The following PTPRN2 variants were observed in gnomAD, a reference collection of about 807,000 sequenced individuals.
The protein encoded by PTPRN2 is protein tyrosine phosphatase receptor type N2, also known as receptor-type tyrosine-protein phosphatase N2.
A neutral mutation model predicts 118.8 loss-of-function variants in PTPRN2; 74 were observed. The ratio of observed to expected loss-of-function variants is 0.62; its 90% CI spans 0.52 to 0.76. The LOEUF (loss-of-function observed/expected upper bound fraction) is 0.76. Ranked by LOEUF, PTPRN2 falls within the 30% of genes least tolerant of loss-of-function variation. The pLI, the probability that PTPRN2 is intolerant of heterozygous loss-of-function variation, is 0.00. For synonymous variants in PTPRN2, 641 were observed against 608.0 expected (o/e 1.05, Z -0.80); for missense variants, 1,481 against 1,394.4 (o/e 1.06, Z -0.99).
chr7:157,741,443 C>T (rs1800628059), intron 12 of PTPRN2, among the ~76,000 whole-genome samples: 1 of 151,760 alleles, frequency 6.6e-6, no homozygotes, highest in African/African-American at 2.4e-5. Context: ...GCACCTAGAG[C>T]CCCATCATCC....
rs1798567730 is a variant in PTPRN2 at position 157,550,900 on chromosome 7, T to C, written c.2903-1881A>G. On this transcript the variant is annotated intron_variant, in intron 21 of 22. Transcript: ENST00000389418. This position sits in a 1 kb window ranked among gnomAD's most constrained non-coding sequence, Gnocchi z 5.2. The stretch of plus-strand genomic sequence containing the variant: ...CGACAAGGCTACAGTAAATACAATC[T>C]TGTTTTAAAAGAAATCCATAAATTT... 6.6e-6 allele frequency among the ~76,000 whole-genome samples: 1 copy of C among 152,188 alleles called. No homozygotes were observed. The highest frequency in any genetic ancestry group is 1.5e-5 in the Non-Finnish European group (1 of 68,026).
At chr7:158,511,133 A>C (rs1451318952) in intron 1 of PTPRN2, among the ~76,000 whole-genome samples, 2 of 152,144 alleles carry the variant, frequency 1.3e-5, no homozygotes, top group Non-Finnish European at 2.9e-5. Flanking sequence ...TTGACCCTGC[A>C]CCTCTGAGAT....
At chr7:158,328,828 C>T (rs1803879680) in intron 2 of PTPRN2, among the ~76,000 whole-genome samples, 1 of 144,168 alleles carries the variant, frequency 6.9e-6, no homozygotes, top group Middle Eastern at 3.8e-3. Flanking sequence ...CCCAGGGAGG[C>T]CTGGGACAGT....
intron 5 of PTPRN2, 24 bp from the exon 6 acceptor site, chr7:158,167,315 G>T: frequency 6.4e-7 from 1 of 1,552,712 alleles, no homozygotes. Context: ...GAGCAAAACA[G>T]AGCAAGAGTC....
intron 3 of PTPRN2, among the ~76,000 whole-genome samples, chr7:158,248,460 A>G (rs1796399553): frequency 6.8e-6 from 1 of 146,966 alleles, no homozygotes; most frequent in Non-Finnish European, 1.5e-5. Context: ...TCAAATCTTA[A>G]AATGTTTGCA....
chr7:157,783,793 G>A (rs906398715), intron 12 of PTPRN2, among the ~76,000 whole-genome samples: 1 of 151,960 alleles, frequency 6.6e-6, no homozygotes, highest in Non-Finnish European at 1.5e-5. Context: ...CTACTTTTGA[G>A]TGATTTCCTC....
intron 4 of PTPRN2, among the ~76,000 whole-genome samples, chr7:158,193,428 G>C (rs1390602681): frequency 6.6e-6 from 1 of 152,196 alleles, no homozygotes; most frequent in Admixed American, 6.5e-5. Context: ...GAACCAGGGA[G>C]ATTCACTGGA....
chr7:158,526,801 T>C lies in PTPRN2; in HGVS notation c.113-37016A>G, dbSNP rs1824814376. On this transcript the variant is annotated intron_variant, in intron 1 of 22. Coordinates refer to ENST00000389418, the MANE Select transcript of PTPRN2 (RefSeq NM_002847.5). This position sits in a 1 kb window ranked among gnomAD's most constrained non-coding sequence, Gnocchi z 5.2. The stretch of plus-strand genomic sequence containing the variant: ...CATCTGCCAGCCAAGGGGAGAGGCC[T>C]CTGGGGGAACCTGCCCTGCCGTGCT... 6.6e-6 allele frequency among the ~76,000 whole-genome samples: 1 copy of C among 152,076 alleles called. No individual in the cohort carries two copies. The highest frequency in any genetic ancestry group is 1.5e-5 in the Non-Finnish European group (1 of 68,000).
intron 21 of PTPRN2, among the ~76,000 whole-genome samples, chr7:157,551,660 C>G (rs1204991056): frequency 6.9e-6 from 1 of 145,852 alleles, no homozygotes; most frequent in Admixed American, 6.8e-5. Flanking sequence ...ACAGCCATCA[C>G]ACACCCCACG....
chr7:157,737,690 G>A (rs1201596286), intron 12 of PTPRN2, among the ~76,000 whole-genome samples: 2 of 152,246 alleles, frequency 1.3e-5, no homozygotes, highest in African/African-American at 4.8e-5. Flanking sequence ...GCCTGGGCGT[G>A]GCAGCCCCTC....
At chr7:157,819,698 G>A (rs1806684068) in intron 12 of PTPRN2, among the ~76,000 whole-genome samples, 1 of 152,112 alleles carries the variant, frequency 6.6e-6, no homozygotes, top group Non-Finnish European at 1.5e-5. Context: ...ATGGGAGGGG[G>A]CTCCCTGTCA....
rs914583901 is a variant in PTPRN2 at position 158,438,071 on chromosome 7, CG to C, written c.163+51663del. Among the ~76,000 whole-genome samples the C allele has an allele frequency of 1.6e-4, 25 of 152,302 alleles. No homozygotes were observed. The highest frequency in any genetic ancestry group is 5.1e-4 in the African/African-American group (21 of 41,568). On this transcript the variant is annotated intron_variant, in intron 2 of 22. Coordinates refer to ENST00000389418, the MANE Select transcript of PTPRN2 (RefSeq NM_002847.5). This position sits in a 1 kb window ranked among gnomAD's most constrained non-coding sequence, Gnocchi z 4.7. ...AGTGGGCTCCCTAACAGTGCCCCTC[CG>C]ATGGGTCTTTTTTAAGTTTTTTTGG...
rs1824736947 is a variant in PTPRN2, at chr7:158,525,853, A to G, written c.113-36068T>C. On this transcript the variant is annotated intron_variant, in intron 1 of 22. Transcript: ENST00000389418. This position sits in a 1 kb window ranked among gnomAD's most constrained non-coding sequence, Gnocchi z 4.1. Reference sequence around the variant, plus strand: ...CCGCTTCAGCAAGAGGAAAGCCCCGATGATACAGGGTGAAGACGCCTCCCC... The same window carrying G: ...CCGCTTCAGCAAGAGGAAAGCCCCGGTGATACAGGGTGAAGACGCCTCCCC... Among the ~76,000 whole-genome samples, 1 of 152,082 alleles carries G rather than the reference A, an allele frequency of 6.6e-6. No homozygotes were observed. Among genetic ancestry groups the G allele is most frequent in the Non-Finnish European group, 1.5e-5 (1 of 68,008 alleles).
intron 8 of PTPRN2, among the ~76,000 whole-genome samples, chr7:158,135,722 A>C (rs2150446346): frequency 6.6e-6 from 1 of 152,352 alleles, no homozygotes; most frequent in Non-Finnish European, 1.5e-5. Context: ...TCCACAGCTC[A>C]GACAGCAGGT....
chr7:158,567,566 C>T (rs1318969084), intron 1 of PTPRN2, among the ~76,000 whole-genome samples: 2 of 152,210 alleles, frequency 1.3e-5, no homozygotes, highest in Non-Finnish European at 2.9e-5. Flanking sequence ...CTGGACAACA[C>T]AAGTAGGTCC....
At chr7:158,112,365 C>T (rs1816355171) in intron 9 of PTPRN2, among the ~76,000 whole-genome samples, 1 of 152,176 alleles carries the variant, frequency 6.6e-6, no homozygotes, top group African/African-American at 2.4e-5. Flanking sequence ...AGACAGTGAG[C>T]AGAGAAGGCA....
At chr7:157,606,759 C>A (rs1802025221) in intron 15 of PTPRN2, among the ~76,000 whole-genome samples, 1 of 152,206 alleles carries the variant, frequency 6.6e-6, no homozygotes, top group African/African-American at 2.4e-5. Flanking sequence ...GCAATTCTTT[C>A]ATTTTTCTTG....
intron 12 of PTPRN2, among the ~76,000 whole-genome samples, chr7:157,683,524 ACTCCAGTCACT>A (rs1180937608): frequency 6.6e-6 from 1 of 152,138 alleles, no homozygotes; most frequent in East Asian, 1.9e-4. Context: ...ATCCCACCTG[ACTCCAGTCACT>A]CTCCAGGAGT....
intron 11 of PTPRN2, among the ~76,000 whole-genome samples, chr7:157,982,271 A>G (rs13312212): frequency 4.9e-4 from 16 of 32,474 alleles, no homozygotes; most frequent in African/African-American, 5.8e-4. Context: ...TCATAGAGCC[A>G]AGGAGGGGAA....
Sources: allele counts gnomAD v4.1 joint callset (sites outside exome capture counted in the v4.1 genomes callset), GRCh38; gene constraint gnomAD v4.1.1; non-coding constraint Gnocchi (gnomAD v3.1); transcripts MANE v1.5; gene names NCBI Gene and HGNC (gene_info 2026-07-23, HGNC 2026-07-21).